The following GPR63 variants were observed in gnomAD, a reference collection of about 807,000 sequenced individuals.
The protein encoded by GPR63 is probable G protein-coupled receptor 63.
A neutral mutation model predicts 23.1 loss-of-function variants in GPR63; 12 were observed. That is an observed-to-expected ratio of 0.52 (90% confidence interval 0.33 to 0.84). GPR63 has a LOEUF of 0.84. Among genes scored for constraint, GPR63 ranks in the 40% least tolerant of loss-of-function variants. The pLI is 0.02. For missense variants in GPR63, 472 were observed against 515.6 expected (o/e 0.92, Z 0.82); for synonymous variants, 172 against 191.1 (o/e 0.90, Z 0.82).
chr6:96,799,840 A>C lies in GPR63; in HGVS notation c.-109T>G. The C allele has an allele frequency of 9.2e-7, 1 of 1,091,342 alleles. No homozygotes were observed. The highest frequency in any genetic ancestry group is 1.9e-5 in the Admixed American group (1 of 54,034). 67.6% of individuals were successfully genotyped at this position (1,091,342 alleles called of 1,614,324 possible). A position where few individuals can be genotyped will look rare whatever the true frequency, so the allele number is the denominator to read the frequency against. On this transcript the variant is annotated 5_prime_UTR_variant, in exon 2 of 2. Coordinates refer to ENST00000229955, the MANE Select transcript of GPR63 (RefSeq NM_030784.4). ...TGATGGGCTTGGAAATACATTCTGG[A>C]AAATGGACAATGAGTTCCATCTTCC... is the stretch of plus-strand genomic sequence containing the variant.
intron 1 of GPR63, among the ~76,000 whole-genome samples, chr6:96,818,174 T>C (rs1774211417): frequency 6.6e-6 from 1 of 151,820 alleles, no homozygotes; most frequent in Admixed American, 6.6e-5. Flanking sequence ...GTTAAAAAAA[T>C]TTCATGGCCA....
chr6:96,818,487 G>A (rs559528281), intron 1 of GPR63, among the ~76,000 whole-genome samples: 3 of 151,926 alleles, frequency 2.0e-5, no homozygotes, highest in Admixed American at 6.6e-5. Context: ...TTTCATGTAC[G>A]TCATAGTAAG....
chr6:96,821,673 T>C (rs1266486131), intron 1 of GPR63, among the ~76,000 whole-genome samples: 1 of 152,178 alleles, frequency 6.6e-6, no homozygotes. Context: ...CTGACTGTGA[T>C]TATCCCTGAG....
rs9386830 is a variant in GPR63, at chr6:96,795,719, C to T, written c.*2753G>A. 41,911 of 151,974 alleles carry T rather than the reference C, an allele frequency of 0.28. 6,074 individuals carry two copies. The highest frequency in any genetic ancestry group is 0.36 in the African/African-American group (14,898 of 41,442). 9.4% of individuals were successfully genotyped at this position (151,974 alleles called of 1,614,324 possible). On this transcript the variant is annotated 3_prime_UTR_variant, in exon 2 of 2. Coordinates refer to ENST00000229955, the MANE Select transcript of GPR63 (RefSeq NM_030784.4). ...CAAAGAAAACAAAGCTCAGTTTCAC[C>T]TCCAGCCAAAAAGGAGTCTTCATGA...
At chr6:96,808,384 A>G (rs1401744490) in intron 1 of GPR63, among the ~76,000 whole-genome samples, 2 of 152,226 alleles carry the variant, frequency 1.3e-5, no homozygotes, top group African/African-American at 4.8e-5. Context: ...GATGGTACAA[A>G]TATCTGGTAA....
rs779044517 is a variant in GPR63, at chr6:96,798,924, G to T, written c.808C>A (p.Arg270=). Residue 270 remains arginine, a synonymous_variant, in exon 2 of 2, where the codon CGG becomes AGG. Coordinates refer to ENST00000229955, the MANE Select transcript of GPR63 (RefSeq NM_030784.4). ...CTATGGATCCTCAAGGCATTGTGCC[G>T]AAGGGTGTTGAGTATGCCCATAAAT... ...YSFMGILNTL[R]HNALRIHSYP... 5.6e-6 allele frequency: 9 copies of T among 1,614,178 alleles called. No individual in the cohort carries two copies. The highest frequency in any genetic ancestry group is 7.6e-6 in the Non-Finnish European group (9 of 1,180,024).
Position 96,819,990 on chromosome 6 carries a change from A to T in GPR63, c.-151+17278T>A, listed in dbSNP as rs1186237971. On this transcript the variant is annotated intron_variant, in intron 1 of 1. Transcript: ENST00000229955. ...ACTCTGTCTCAAAAAAAAAAAAAAA[A>T]AACAAACAACAACAAAAAAAATTCG... Among the ~76,000 whole-genome samples the T allele has an allele frequency of 1.1e-3, 152 of 143,196 alleles. 1 individual carries two copies. Among genetic ancestry groups the T allele is most frequent in the Middle Eastern group, 0.01 (3 of 292 alleles). The allele number at this position is 143,196 out of a possible 152,430, so 93.9% of individuals were successfully genotyped here. A position where few individuals can be genotyped will look rare whatever the true frequency, so the allele number is the denominator to read the frequency against.
intron 1 of GPR63, among the ~76,000 whole-genome samples, chr6:96,824,637 C>T (rs1436539017): frequency 9.9e-6 from 1 of 100,944 alleles, no homozygotes; most frequent in Non-Finnish European, 1.9e-5. Context: ...TCATTTTGAA[C>T]TTTTAAAAAA....
chr6:96,810,215 C>G (rs1025313217), intron 1 of GPR63, among the ~76,000 whole-genome samples: 1 of 151,994 alleles, frequency 6.6e-6, no homozygotes, highest in East Asian at 1.9e-4. Context: ...GTTAAATAAA[C>G]TGGGGCGCGG....
rs1773602879 is a variant in GPR63, at chr6:96,797,117, G to A, written c.*1355C>T. On this transcript the variant is annotated 3_prime_UTR_variant, in exon 2 of 2. Transcript: ENST00000229955. ...GTGTGCGTGTGTGTGTGTGGTTCCA[G>A]CTATTCAGGAGGCTGAGACAGGAGG... 6.6e-6 allele frequency: 1 copy of A among 152,102 alleles called. No homozygotes were observed. Among genetic ancestry groups the A allele is most frequent in the Non-Finnish European group, 1.5e-5 (1 of 68,052 alleles). 9.4% of individuals were successfully genotyped at this position (152,102 alleles called of 1,614,324 possible).
chr6:96,805,937 G>A (rs951739180), intron 1 of GPR63, among the ~76,000 whole-genome samples: 7 of 152,134 alleles, frequency 4.6e-5, no homozygotes, highest in Admixed American at 1.3e-4. Flanking sequence ...CTGATGGAGC[G>A]AATCAACATA....
At chr6:96,809,097 A>G (rs1014431818) in intron 1 of GPR63, among the ~76,000 whole-genome samples, 7 of 152,028 alleles carry the variant, frequency 4.6e-5, no homozygotes, top group African/African-American at 1.7e-4. Flanking sequence ...CTCTACACTG[A>G]AAATTTTCAA....
Position 96,798,792 on chromosome 6 carries a change from T to C in GPR63, c.940A>G (p.Thr314Ala). The C allele has an allele frequency of 6.2e-7, 1 of 1,614,106 alleles. No individual in the cohort carries two copies. The highest frequency in any genetic ancestry group is 8.5e-7 in the Non-Finnish European group (1 of 1,180,030). The change falls in exon 2 of 2, where the codon ACC becomes GCC. Residue 314 changes from threonine (T) to alanine (A), a missense_variant. By Grantham distance (58) the Thr-to-Ala change is moderately conservative. Transcript: ENST00000229955. The stretch of plus-strand genomic sequence containing the variant: ...ACAGCAAAGAGAATCAAAATAGTGG[T>C]GAAGGCACGTGTTTTAAAGCCCATG... ...IDMGFKTRAF[T>A]TILILFAVFI...
intron 1 of GPR63, among the ~76,000 whole-genome samples, chr6:96,820,605 T>A (rs1005666389): frequency 1.3e-5 from 2 of 152,126 alleles, no homozygotes; most frequent in Non-Finnish European, 2.9e-5. Flanking sequence ...GTAATTTTTT[T>A]AAAAAAAGCA....
rs558524633 is a variant in GPR63, at chr6:96,797,684, C to G, written c.*788G>C. 6.6e-6 allele frequency: 1 copy of G among 152,416 alleles called. No homozygotes were observed. Among genetic ancestry groups the G allele is most frequent in the African/African-American group, 2.4e-5 (1 of 41,562 alleles). 9.4% of individuals were successfully genotyped at this position (152,416 alleles called of 1,614,324 possible). ...TAAAAGGAATCACCACAGCCTGTAC[C>G]AGCCACTTGCCATCCCCCTCACTAC... On this transcript the variant is annotated 3_prime_UTR_variant, in exon 2 of 2. Transcript: ENST00000229955.
chr6:96,802,552 T>TG (rs1773794561), intron 1 of GPR63, among the ~76,000 whole-genome samples: 1 of 150,592 alleles, frequency 6.6e-6, no homozygotes, highest in African/African-American at 2.4e-5. Flanking sequence ...TTTTTTTTTT[T>TG]TTTTTGAGAC....
intron 1 of GPR63, among the ~76,000 whole-genome samples, chr6:96,817,933 T>C (rs1307726621): frequency 1.3e-5 from 2 of 151,312 alleles, no homozygotes; most frequent in South Asian, 2.1e-4. Flanking sequence ...GTCTTTCTGC[T>C]TGTTATGTAA....
Position 96,795,546 on chromosome 6 carries a change from T to C in GPR63, c.*2926A>G, listed in dbSNP as rs1416236502. On this transcript the variant is annotated 3_prime_UTR_variant, in exon 2 of 2. Coordinates refer to ENST00000229955, the MANE Select transcript of GPR63 (RefSeq NM_030784.4). ...CAGTGTAAAAAGAACTGCTGTTCAGTGTTGCTGCTGAATTCTCACAAAGAC... is the reference window on the plus strand; with the variant it reads ...CAGTGTAAAAAGAACTGCTGTTCAGCGTTGCTGCTGAATTCTCACAAAGAC... 1 of 152,238 alleles carries C rather than the reference T, an allele frequency of 6.6e-6. No individual in the cohort carries two copies. The highest frequency in any genetic ancestry group is 2.4e-5 in the African/African-American group (1 of 41,460). The allele number at this position is 152,238 out of a possible 1,614,324, so 9.4% of individuals were successfully genotyped here.
chr6:96,807,978 C>T (rs1012686603), intron 1 of GPR63, among the ~76,000 whole-genome samples: 2 of 152,134 alleles, frequency 1.3e-5, no homozygotes, highest in African/African-American at 4.8e-5. Flanking sequence ...GGGAGTTAAA[C>T]CCAGGAAGTG....
Sources: allele counts gnomAD v4.1 joint callset (sites outside exome capture counted in the v4.1 genomes callset), GRCh38; gene constraint gnomAD v4.1.1; transcripts MANE v1.5; gene names NCBI Gene and HGNC (gene_info 2026-07-23, HGNC 2026-07-21).